Variants in SFI1 observed in about 807,000 individuals in gnomAD.
SFI1 encodes protein SFI1 homolog.
In SFI1, 195 loss-of-function variants were observed where a neutral mutation model predicts 207.5. The ratio of observed to expected loss-of-function variants is 0.94; its 90% CI spans 0.84 to 1.06. The LOEUF (loss-of-function observed/expected upper bound fraction) is 1.06, where lower values mean the gene tolerates loss of function less well. Ranked by LOEUF, SFI1 falls within the 50% of genes least tolerant of loss-of-function variation. The pLI is 0.00. For missense variants in SFI1, 1,634 were observed against 1,588.0 expected, an observed-to-expected ratio of 1.03 and a Z score of -0.49; for synonymous variants, 630 against 598.9, an observed-to-expected ratio of 1.05 and a Z score of -0.76.
intron 3 of SFI1, chr22:31,530,737 G>T (rs148227954): frequency 2.3e-5 from 10 of 428,818 alleles, no homozygotes; most frequent in African/African-American, 1.6e-4. Context: ...TCAGGCATTT[G>T]CCGGCCATTT....
At chr22:31,591,477 A>G (rs1346939124) in intron 15 of SFI1, among the ~76,000 whole-genome samples, 6 of 151,558 alleles carry the variant, frequency 4.0e-5, no homozygotes, top group Admixed American at 6.6e-5. Context: ...TCAATGAGCT[A>G]TTGGGCACAC....
At chr22:31,505,412 C>T (rs187280111) in intron 1 of SFI1, among the ~76,000 whole-genome samples, 371 of 151,106 alleles carry the variant, frequency 2.5e-3, no homozygotes, top group Non-Finnish European at 3.6e-3. Context: ...GCATTCCAGC[C>T]TGGGCAACAG....
At chr22:31,575,065 A>G (rs1016289080) in intron 9 of SFI1, among the ~76,000 whole-genome samples, 166 bp from the exon 10 acceptor site, 3 of 142,418 alleles carry the variant, frequency 2.1e-5, no homozygotes, top group African/African-American at 7.7e-5. Context: ...ACTCAAAGAA[A>G]AAAAAAAAAA....
chr22:31,506,883 TTCCATGCTCATGTATAGGAAAAA>T lies in SFI1; in HGVS notation c.-30-1369_-30-1347del, dbSNP rs549398280. Among the ~76,000 whole-genome samples, 90 of 152,294 alleles carry T rather than the reference TTCCATGCTCATGTATAGGAAAAA, an allele frequency of 5.9e-4. 2 individuals are homozygous for T. In the South Asian group the frequency reaches 0.013, roughly 22 times the overall value. ...GGTGACACAAACAAATGGAAAAACA[TTCCATGCTCATGTATAGGAAAAA>T]TCAATATCATGAAAATGGCCATACT... On this transcript the variant is annotated intron_variant, in intron 1 of 32. Coordinates refer to ENST00000400288, the MANE Select transcript of SFI1 (RefSeq NM_001007467.3).
intron 1 of SFI1, among the ~76,000 whole-genome samples, chr22:31,500,828 G>A (rs1240950507): frequency 2.0e-5 from 3 of 148,580 alleles, no homozygotes; most frequent in Non-Finnish European, 4.4e-5. Flanking sequence ...GAGTCTGAGT[G>A]TTGCTCTGTC....
chr22:31,607,393 A>G (rs923866069), intron 21 of SFI1, among the ~76,000 whole-genome samples: 1 of 152,144 alleles, frequency 6.6e-6, no homozygotes, highest in Non-Finnish European at 1.5e-5. Context: ...ACTTGGGGTC[A>G]GGAGTTCGAG....
intron 17 of SFI1, among the ~76,000 whole-genome samples, chr22:31,603,463 C>T (rs1187734752): frequency 1.3e-5 from 2 of 152,164 alleles, no homozygotes; most frequent in Non-Finnish European, 2.9e-5. Flanking sequence ...GGATCTCACT[C>T]CCTGTCGCAC....
Position 31,603,788 on chromosome 22 carries a change from T to C in SFI1, c.1850T>C (p.Leu617Pro). Residue 617 changes from leucine to proline, a missense_variant, in exon 18 of 33, where the codon CTC (leucine) becomes CCC (proline). Coordinates refer to ENST00000400288, the MANE Select transcript of SFI1 (RefSeq NM_001007467.3). ...GCAGCAGAATTCCACATGGCCCAGC[T>C]CCTGCGTTGGGCCTGGAGCCAGTGG... ...VRAAEFHMAQLLRWAWSQWRE... is the reference protein window; with the variant it reads ...VRAAEFHMAQPLRWAWSQWRE... The C allele has an allele frequency of 6.4e-7, 1 of 1,557,230 alleles. No individual in the cohort carries two copies. The highest frequency in any genetic ancestry group is 1.2e-5 in the South Asian group (1 of 81,460).
intron 15 of SFI1, among the ~76,000 whole-genome samples, chr22:31,594,985 ATTTAT>A (rs2066882610): frequency 6.6e-6 from 1 of 151,010 alleles, no homozygotes; most frequent in Non-Finnish European, 1.5e-5. Flanking sequence ...AATAATAATA[ATTTAT>A]TTATTTATTT....
Position 31,611,193 on chromosome 22 carries a change from G to A in SFI1, c.2305G>A (p.Ala769Thr). Residue 769 changes from alanine (A) to threonine (T), a missense_variant, in exon 23 of 33, where the codon GCC (alanine) becomes ACC (threonine). Ala to Thr is a moderately conservative substitution (Grantham distance 58). Coordinates refer to ENST00000400288, the MANE Select transcript of SFI1 (RefSeq NM_001007467.3). Reference protein sequence around the residue: ...QRWWDCSRRSAQQRLQLERAV... With the variant: ...QRWWDCSRRSTQQRLQLERAV... ...CTGGTGGGACTGCAGCCGGAGGTCA[G>A]CCCAGCAGAGACTGCAGCTGGAGAG... The A allele has an allele frequency of 6.2e-7, 1 of 1,614,104 alleles. No homozygotes were observed. Among genetic ancestry groups the A allele is most frequent in the Non-Finnish European group, 8.5e-7 (1 of 1,180,036 alleles).
chr22:31,596,294 C>T (rs957609108), intron 15 of SFI1, among the ~76,000 whole-genome samples: 57 of 151,444 alleles, frequency 3.8e-4, no homozygotes, highest in African/African-American at 1.3e-3. Flanking sequence ...TCTGTCTATC[C>T]ATCTGGAGGG....
chr22:31,568,558 C>T (rs989491027), intron 8 of SFI1, among the ~76,000 whole-genome samples: 2 of 117,554 alleles, frequency 1.7e-5, no homozygotes, highest in African/African-American at 6.9e-5. Context: ...AAAAAAAAAG[C>T]ATTAGAAGCA....
At chr22:31,608,837 G>T (rs1330796174) in intron 22 of SFI1, among the ~76,000 whole-genome samples, 1 of 152,052 alleles carries the variant, frequency 6.6e-6, no homozygotes, top group Non-Finnish European at 1.5e-5. Flanking sequence ...GCTGCCTGCT[G>T]TATATACATC....
intron 8 of SFI1, among the ~76,000 whole-genome samples, chr22:31,565,970 T>C (rs1049565577): frequency 4.0e-5 from 6 of 149,216 alleles, no homozygotes; most frequent in African/African-American, 1.2e-4. Flanking sequence ...TGCCTGGCCC[T>C]ATCTATGTGG....
At chr22:31,550,454 A>G in intron 6 of SFI1, 106 bp downstream of exon 6, 2 of 830,886 alleles carry the variant, frequency 2.4e-6, no homozygotes, top group Non-Finnish European at 1.9e-6. Flanking sequence ...CTCTAGGCCA[A>G]AGGAAGATTT....
At chr22:31,554,936 G>A (rs1351437661) in intron 6 of SFI1, among the ~76,000 whole-genome samples, 1 of 152,076 alleles carries the variant, frequency 6.6e-6, no homozygotes, top group Non-Finnish European at 1.5e-5. Flanking sequence ...AGATTATTTA[G>A]AAGTGTGTTT....
intron 4 of SFI1, among the ~76,000 whole-genome samples, chr22:31,535,324 G>T (rs1366640524): frequency 6.7e-6 from 1 of 149,152 alleles, no homozygotes; most frequent in Non-Finnish European, 1.5e-5. Context: ...CAAATAGCTG[G>T]GATTACAGAT....
chr22:31,594,558 AAAAAG>A lies in SFI1; in HGVS notation c.1544+4991_1544+4995del, dbSNP rs1432384628. On this transcript the variant is annotated intron_variant, in intron 15 of 32. Coordinates refer to ENST00000400288, the MANE Select transcript of SFI1 (RefSeq NM_001007467.3). The stretch of plus-strand genomic sequence containing the variant: ...GCGAGACGCCGTCTCAAAAAAAAAA[AAAAAG>A]AAAAGAAAAAGGCCGGGCCTGGTGG... Among the ~76,000 whole-genome samples, 26 of 121,010 alleles carry A rather than the reference AAAAAG, an allele frequency of 2.1e-4. No homozygotes were observed. In the Middle Eastern group the frequency reaches 0.019, roughly 87 times the overall value. 79.4% of individuals were successfully genotyped at this position (121,010 alleles called of 152,430 possible).
At chr22:31,559,913 A>C (rs531101949) in intron 7 of SFI1, 7 of 619,356 alleles carry the variant, frequency 1.1e-5, no homozygotes, top group Non-Finnish European at 2.1e-5. Flanking sequence ...CCATGGCTGT[A>C]CCATGGGCGG....
Sources: allele counts gnomAD v4.1 joint callset (sites outside exome capture counted in the v4.1 genomes callset), GRCh38; gene constraint gnomAD v4.1.1; transcripts MANE v1.5; gene names NCBI Gene and HGNC (gene_info 2026-07-23, HGNC 2026-07-21).